Variants in ANKRD55 observed in about 807,000 individuals in gnomAD.
The protein encoded by ANKRD55 is ankyrin repeat domain 55.
A neutral mutation model predicts 60.6 loss-of-function variants in ANKRD55; 41 were observed. The ratio of observed to expected loss-of-function variants is 0.68; its 90% CI spans 0.53 to 0.88. The LOEUF is 0.88. Among genes scored for constraint, ANKRD55 ranks in the 40% least tolerant of loss-of-function variants. ANKRD55 has a pLI of 0.00. For missense variants in ANKRD55, 732 were observed against 767.6 expected (o/e 0.95, Z 0.55); for synonymous variants, 264 against 290.3 (o/e 0.91, Z 0.92).
At chr5:56,219,246 C>T (rs551144181) in intron 2 of ANKRD55, among the ~76,000 whole-genome samples, 1 of 128,092 alleles carries the variant, frequency 7.8e-6, no homozygotes, top group Non-Finnish European at 1.5e-5. Context: ...GCACTCCAGC[C>T]TGGGGGATAG....
intron 7 of ANKRD55, among the ~76,000 whole-genome samples, chr5:56,139,280 C>T (rs1000051899): frequency 2.0e-5 from 3 of 152,104 alleles, no homozygotes; most frequent in Non-Finnish European, 4.4e-5. Flanking sequence ...CAATGAACAC[C>T]TCTTTAGGGA....
At chr5:56,158,676 C>T (rs563315500) in intron 6 of ANKRD55, among the ~76,000 whole-genome samples, 4 of 152,144 alleles carry the variant, frequency 2.6e-5, no homozygotes, top group Non-Finnish European at 5.9e-5. Context: ...AATATTATCT[C>T]TCTGTCATCT....
chr5:56,112,767 A>T (rs761439774), intron 9 of ANKRD55, among the ~76,000 whole-genome samples: 4 of 152,188 alleles, frequency 2.6e-5, no homozygotes, highest in Admixed American at 6.5e-5. Flanking sequence ...GTATGAATTA[A>T]CGATGAAACC....
At chr5:56,113,216 C>G (rs1561252455) in intron 9 of ANKRD55, among the ~76,000 whole-genome samples, 1 of 152,122 alleles carries the variant, frequency 6.6e-6, no homozygotes, top group Non-Finnish European at 1.5e-5. Context: ...TGGCATTAAA[C>G]TCTATTCATA....
In ANKRD55 at chr5:56,192,482, G is replaced by T. The variant is rs538930255; in HGVS notation, c.59-8848C>A. 89 of 234,800 alleles carry T rather than the reference G, an allele frequency of 3.8e-4. 2 individuals are homozygous for T. The highest frequency in any genetic ancestry group is 1.0e-3 in the South Asian group (13 of 12,982). 14.5% of individuals were successfully genotyped at this position (234,800 alleles called of 1,614,324 possible). On this transcript the variant is annotated intron_variant, in intron 2 of 11. Coordinates refer to ENST00000341048, the MANE Select transcript of ANKRD55 (RefSeq NM_024669.3). Reference sequence around the variant, plus strand: ...CAAAAGTCGCCGGTCCCATGTCGTCGCCCTCTCTGCCCCCCAGGAGGGGCA... The same window carrying T: ...CAAAAGTCGCCGGTCCCATGTCGTCTCCCTCTCTGCCCCCCAGGAGGGGCA...
intron 6 of ANKRD55, among the ~76,000 whole-genome samples, chr5:56,144,635 C>T (rs1210984078): frequency 6.6e-6 from 1 of 152,108 alleles, no homozygotes; most frequent in Admixed American, 6.6e-5. Flanking sequence ...AGTGGAGAGA[C>T]AATGAAGGAT....
intron 6 of ANKRD55, among the ~76,000 whole-genome samples, chr5:56,151,144 C>A (rs1758032452): frequency 6.6e-6 from 1 of 152,170 alleles, no homozygotes; most frequent in Non-Finnish European, 1.5e-5. Flanking sequence ...AGGTGTGAGT[C>A]ACTGCACCCA....
intron 2 of ANKRD55, among the ~76,000 whole-genome samples, chr5:56,227,368 T>G (rs1760144241): frequency 6.7e-6 from 1 of 150,164 alleles, no homozygotes; most frequent in African/African-American, 2.4e-5. Context: ...GGGATAGCAT[T>G]AGGAGATATA....
chr5:56,227,475 C>T (rs1015283396), intron 2 of ANKRD55, among the ~76,000 whole-genome samples: 5 of 152,086 alleles, frequency 3.3e-5, no homozygotes, highest in African/African-American at 1.2e-4. Context: ...TACCCTAGAA[C>T]TTAAAGTATA....
At chr5:56,181,453 G>A (rs1007253257) in intron 3 of ANKRD55, among the ~76,000 whole-genome samples, 12 of 151,768 alleles carry the variant, frequency 7.9e-5, no homozygotes, top group African/African-American at 2.9e-4. Flanking sequence ...AGCTTTTTTT[G>A]TATTAATTGA....
intron 5 of ANKRD55, chr5:56,161,954 T>C (rs1187893591): frequency 3.0e-6 from 3 of 984,858 alleles, no homozygotes; most frequent in Admixed American, 6.1e-5. Context: ...TCCCTGTGGC[T>C]GCTTTGTGAG....
intron 2 of ANKRD55, among the ~76,000 whole-genome samples, chr5:56,199,816 G>A (rs1293566168): frequency 2.0e-5 from 3 of 151,520 alleles, no homozygotes; most frequent in Admixed American, 6.6e-5. Flanking sequence ...GCATGAACCC[G>A]GGTGGTGGAG....
At position 56,183,101 on chromosome 5, in the gene ANKRD55, T is replaced by C. The variant is rs552655689; in HGVS notation, c.181+411A>G. On this transcript the variant is annotated intron_variant, in intron 3 of 11. Coordinates refer to ENST00000341048, the MANE Select transcript of ANKRD55 (RefSeq NM_024669.3). ...TCTCAGCTCATCTGTCATTTTATCT[T>C]CATCTTCCAGAGTCTTTTTATGTTT... 3.9e-5 allele frequency among the ~76,000 whole-genome samples: 6 copies of C among 152,342 alleles called. No individual in the cohort carries two copies. The South Asian group carries it at 1.2e-3, about 32-fold the overall frequency.
intron 2 of ANKRD55, among the ~76,000 whole-genome samples, chr5:56,209,340 A>G (rs1199176297): frequency 6.6e-6 from 1 of 152,328 alleles, no homozygotes; most frequent in Middle Eastern, 3.4e-3. Flanking sequence ...ATAAAATCCC[A>G]TGGACTGGAC....
At chr5:56,120,314 AC>A (rs778362058) in intron 8 of ANKRD55, among the ~76,000 whole-genome samples, 2 of 152,132 alleles carry the variant, frequency 1.3e-5, no homozygotes, top group Non-Finnish European at 2.9e-5. Context: ...GGCGTGAGCC[AC>A]CGCACCAAGC....
chr5:56,113,721 C>T (rs770102141), intron 9 of ANKRD55, among the ~76,000 whole-genome samples: 3 of 151,958 alleles, frequency 2.0e-5, no homozygotes, highest in South Asian at 2.1e-4. Context: ...AGGTGTAGGT[C>T]GAAGGGTACA....
intron 2 of ANKRD55, among the ~76,000 whole-genome samples, chr5:56,229,084 C>A (rs1760185560): frequency 6.8e-6 from 1 of 148,012 alleles, no homozygotes; most frequent in African/African-American, 2.5e-5. Flanking sequence ...TCCCGCCGAC[C>A]CCTCGCCTGT....
rs746813556 is a variant in ANKRD55 at position 56,176,177 on chromosome 5, G to A, written c.287C>T (p.Thr96Ile). The part of the protein sequence containing the change: ...NINMQDAYGR[T>I]SLCLATYLGW... ...CAGGTAGGTGGCCAGGCATAAACTTGTGCGGCCATAAGCATCCTGCATGTT... is the reference window on the plus strand; with the variant it reads ...CAGGTAGGTGGCCAGGCATAAACTTATGCGGCCATAAGCATCCTGCATGTT... Residue 96 changes from threonine to isoleucine, a missense_variant, in exon 4 of 12, where the codon ACA becomes ATA. Transcript: ENST00000341048. 6.2e-7 allele frequency: 1 copy of A among 1,614,186 alleles called. No homozygotes were observed. The highest frequency in any genetic ancestry group is 8.5e-7 in the Non-Finnish European group (1 of 1,180,044).
chr5:56,232,356 C>A (rs1215674306), intron 2 of ANKRD55, among the ~76,000 whole-genome samples: 1 of 151,996 alleles, frequency 6.6e-6, no homozygotes, highest in Non-Finnish European at 1.5e-5. Context: ...AACATATCAA[C>A]CCGACATAAA....
Sources: gnomAD v4.1 joint callset for allele counts (sites outside exome capture counted in the v4.1 genomes callset) on GRCh38, gnomAD v4.1.1 for gene constraint, MANE v1.5 for transcripts, NCBI Gene and HGNC (gene_info 2026-07-23, HGNC 2026-07-21) for gene names.